PLEKHA8: variants seen among roughly 807,000 people sequenced by gnomAD.
PLEKHA8 encodes pleckstrin homology domain containing A8.
Under a neutral mutation model 68.2 loss-of-function variants are expected in PLEKHA8, and 36 were observed. The observed-to-expected ratio is 0.53, with a 90% confidence interval of 0.40 to 0.70. The LOEUF (loss-of-function observed/expected upper bound fraction) is 0.70. Ranked by LOEUF, PLEKHA8 falls within the 30% of genes least tolerant of loss-of-function variation. PLEKHA8 has a pLI of 0.00. For missense variants in PLEKHA8, 505 were observed against 615.4 expected (o/e 0.82, Z 1.90); for synonymous variants, 211 against 216.1 (o/e 0.98, Z 0.20).
At position 30,080,716 on chromosome 7, in the gene PLEKHA8, G is replaced by A; in HGVS notation, c.*1929G>A. On this transcript the variant is annotated 3_prime_UTR_variant, in exon 14 of 14. Transcript: ENST00000449726. ...TGATTATTTTGTATTTTGCCAAGGT[G>A]TGTGTGTGTTATTTCCCTCCCACTC... The A allele has an allele frequency of 1.0e-6, 1 of 985,326 alleles. No individual in the cohort carries two copies. Among genetic ancestry groups the A allele is most frequent in the Non-Finnish European group, 1.2e-6 (1 of 829,898 alleles). 61.0% of individuals were successfully genotyped at this position (985,326 alleles called of 1,614,324 possible).
chr7:30,050,133 G>A (rs1048420611), intron 5 of PLEKHA8, among the ~76,000 whole-genome samples: 6 of 152,122 alleles, frequency 3.9e-5, no homozygotes, highest in African/African-American at 9.7e-5. Context: ...TGTTTAATGA[G>A]CATAACTGAA....
chr7:30,113,788 C>T (rs1004922197), intron 13 of PLEKHA8, among the ~76,000 whole-genome samples: 1 of 152,184 alleles, frequency 6.6e-6, no homozygotes, highest in Non-Finnish European at 1.5e-5. Flanking sequence ...ACAATTTCCT[C>T]AGATGGGACT....
chr7:30,117,644 C>T (rs1008226149), intron 13 of PLEKHA8, among the ~76,000 whole-genome samples: 4 of 152,060 alleles, frequency 2.6e-5, no homozygotes, highest in Non-Finnish European at 5.9e-5. Context: ...TTCAAGGCTG[C>T]AGTGAGCCAT....
intron 7 of PLEKHA8, among the ~76,000 whole-genome samples, chr7:30,054,030 A>G (rs370900549): frequency 3.9e-5 from 6 of 152,176 alleles, no homozygotes; most frequent in African/African-American, 1.2e-4. Flanking sequence ...TCTTTTTTCC[A>G]TAAGGCACAT....
At chr7:30,056,742 AGT>A (rs70980590) in intron 9 of PLEKHA8, among the ~76,000 whole-genome samples, 1,013 of 74,740 alleles carry the variant, frequency 0.014, 12 homozygotes, top group African/African-American at 0.019. Context: ...AAAAAAAAAA[AGT>A]GTGTGTGTGT....
At chr7:30,054,609 TTC>T (rs1381924156) in intron 7 of PLEKHA8, 98 bp from the exon 8 acceptor site, 2 of 796,060 alleles carry the variant, frequency 2.5e-6, no homozygotes, top group African/African-American at 3.6e-5. Context: ...GAATTTTTAT[TTC>T]TATGTATTTT....
chr7:30,056,934 AATATATATTT>A (rs1333048477), intron 9 of PLEKHA8, among the ~76,000 whole-genome samples: 4 of 147,392 alleles, frequency 2.7e-5, no homozygotes, highest in Non-Finnish European at 4.5e-5. Context: ...TATTATATAT[AATATATATTT>A]ATATATATAA....
At chr7:30,117,856 C>CAGATG in intron 13 of PLEKHA8, 1 of 602,006 alleles carries the variant, frequency 1.7e-6, no homozygotes, top group Non-Finnish European at 2.7e-6. Context: ...ATATTAGAAA[C>CAGATG]AGAAGTATAA....
chr7:30,036,139 C>G (rs957961940), intron 1 of PLEKHA8, among the ~76,000 whole-genome samples: 2 of 151,986 alleles, frequency 1.3e-5, no homozygotes, highest in East Asian at 2.0e-4. Flanking sequence ...GACTGTAATC[C>G]CAGCTACTTG....
intron 10 of PLEKHA8, 87 bp downstream of exon 10, chr7:30,061,029 A>G (rs1386711924): frequency 7.0e-6 from 9 of 1,289,090 alleles, no homozygotes; most frequent in Non-Finnish European, 9.9e-6. Flanking sequence ...ATAAATCAAA[A>G]AGTGAAAAAT....
intron 13 of PLEKHA8, among the ~76,000 whole-genome samples, chr7:30,118,614 G>A (rs370965230): frequency 1.7e-3 from 259 of 149,812 alleles, no homozygotes; most frequent in African/African-American, 6.1e-3. Flanking sequence ...GTCTTGCTCT[G>A]TCGCCCAGGC....
At chr7:30,109,850 T>C (rs1324489642) in intron 13 of PLEKHA8, among the ~76,000 whole-genome samples, 2 of 151,844 alleles carry the variant, frequency 1.3e-5, no homozygotes, top group Non-Finnish European at 2.9e-5. Context: ...TTTTAAATTT[T>C]ATGTAGAGAT....
intron 13 of PLEKHA8, among the ~76,000 whole-genome samples, chr7:30,116,537 ACTC>A (rs1796571091): frequency 1.3e-5 from 2 of 151,812 alleles, no homozygotes; most frequent in Non-Finnish European, 1.5e-5. Flanking sequence ...CTGCAAATCT[ACTC>A]TTCTGCACCT....
intron 13 of PLEKHA8, among the ~76,000 whole-genome samples, chr7:30,098,846 C>T (rs562373349): frequency 1.3e-5 from 2 of 152,298 alleles, no homozygotes; most frequent in South Asian, 4.1e-4. Flanking sequence ...TCCGGCACTC[C>T]CCAGTGAGAT....
chr7:30,060,601 T>C (rs1449737049), intron 9 of PLEKHA8, among the ~76,000 whole-genome samples: 2 of 152,178 alleles, frequency 1.3e-5, no homozygotes, highest in African/African-American at 4.8e-5. Context: ...GCTACCATAT[T>C]GGACAGTGCA....
chr7:30,047,938 T>C lies in PLEKHA8; in HGVS notation c.420T>C (p.Thr140=). The part of the protein sequence containing the change: ...QVDKTKEVTT[T]GVSNSEEGID... ...ATAAAACAAAAGAAGTGACCACAAC[T>C]GGTGTGTCCAATTCTGAGGTAAAAT... The change falls in exon 4 of 14, where the codon ACT becomes ACC. Residue 140 remains threonine (T), a synonymous_variant. Coordinates refer to ENST00000449726, the MANE Select transcript of PLEKHA8 (RefSeq NM_001197026.2). The C allele has an allele frequency of 1.9e-6, 3 of 1,566,476 alleles. No homozygotes were observed. The highest frequency in any genetic ancestry group is 1.4e-5 in the African/African-American group (1 of 72,988).
intron 1 of PLEKHA8, among the ~76,000 whole-genome samples, chr7:30,036,786 T>A (rs1791134438): frequency 6.6e-6 from 1 of 152,204 alleles, no homozygotes; most frequent in South Asian, 2.1e-4. Flanking sequence ...TTTCTCTAAA[T>A]CTCCAAACCT....
intron 13 of PLEKHA8, among the ~76,000 whole-genome samples, chr7:30,108,085 A>C (rs1796138122): frequency 6.6e-6 from 1 of 151,196 alleles, no homozygotes; most frequent in Non-Finnish European, 1.5e-5. Context: ...AAAAAAAAAA[A>C]AAAAAAACCT....
intron 9 of PLEKHA8, among the ~76,000 whole-genome samples, chr7:30,058,517 C>T (rs1307107932): frequency 8.0e-5 from 12 of 149,532 alleles, no homozygotes; most frequent in East Asian, 1.9e-4. Flanking sequence ...GCTCAAGAAC[C>T]GTGGGTCAAA....
Sources: allele counts gnomAD v4.1 joint callset (sites outside exome capture counted in the v4.1 genomes callset), GRCh38; gene constraint gnomAD v4.1.1; transcripts MANE v1.5; gene names NCBI Gene and HGNC (gene_info 2026-07-23, HGNC 2026-07-21).